CELSR1: variants seen among roughly 807,000 people sequenced by gnomAD.
The protein encoded by CELSR1 is adhesion G protein-coupled receptor C1.
In CELSR1, 110 loss-of-function variants were observed where a neutral mutation model predicts 249.1. The ratio of observed to expected loss-of-function variants is 0.44; its 90% CI spans 0.38 to 0.52. CELSR1 has a LOEUF of 0.52. CELSR1 is among the 20% of genes least tolerant of loss of function. The pLI is 0.00. For missense variants in CELSR1, 4,109 were observed against 4,296.4 expected, an observed-to-expected ratio of 0.96 and a Z score of 1.22; for synonymous variants, 2,113 against 1,900.0, an observed-to-expected ratio of 1.11 and a Z score of -2.92.
At chr22:46,487,075 C>T (rs1457827051) in intron 1 of CELSR1, among the ~76,000 whole-genome samples, 1 of 148,826 alleles carries the variant, frequency 6.7e-6, no homozygotes, top group Non-Finnish European at 1.5e-5. Context: ...CTTCCACACA[C>T]CCAAGGTCTC....
At position 46,537,016 on chromosome 22, in the gene CELSR1, A is replaced by C; in HGVS notation, c.155T>G (p.Val52Gly). Residue 52 changes from valine to glycine, a missense_variant, in exon 1 of 35, where the codon GTG becomes GGG. By Grantham distance (109) the Val-to-Gly change is moderately radical (BLOSUM62 -3). Around this residue, in one of 7 missense-constraint regions of CELSR1, gnomAD observed 673 missense variants for 636.8 expected, o/e 1.06. Coordinates refer to ENST00000674500, the MANE Select transcript of CELSR1 (RefSeq NM_001378328.1). This position sits in a 1 kb window ranked among gnomAD's most constrained non-coding sequence, Gnocchi z 5.8. ...FALRPGCTYA[V>G]GAACTPRAPR... ...CGCCCGGGGCGTGCAAGCGGCGCCC[A>C]CCGCGTAGGTACAGCCGGGCCGGAG... The C allele has an allele frequency of 3.6e-6, 4 of 1,106,444 alleles. No individual in the cohort carries two copies. Among genetic ancestry groups the C allele is most frequent in the Non-Finnish European group, 4.4e-6 (4 of 909,108 alleles). The allele number at this position is 1,106,444 out of a possible 1,614,324, so 68.5% of individuals were successfully genotyped here.
intron 5 of CELSR1, among the ~76,000 whole-genome samples, chr22:46,416,705 CG>C (rs1392174809): frequency 6.6e-6 from 1 of 152,098 alleles, no homozygotes; most frequent in African/African-American, 2.4e-5. Context: ...TGTGCAGATC[CG>C]GAATCCTGCT....
intron 1 of CELSR1, among the ~76,000 whole-genome samples, chr22:46,499,357 G>T (rs1456218748): frequency 6.6e-6 from 1 of 152,096 alleles, no homozygotes; most frequent in Non-Finnish European, 1.5e-5. Context: ...CCTGGCAAAG[G>T]AATCAGAGGA....
intron 1 of CELSR1, among the ~76,000 whole-genome samples, chr22:46,487,240 T>G (rs1449606061): frequency 6.6e-6 from 1 of 152,026 alleles, no homozygotes; most frequent in Non-Finnish European, 1.5e-5. Flanking sequence ...ACCCCAAGGG[T>G]CCTGAAAGAG....
At chr22:46,370,269 G>T (rs1381723762) in intron 25 of CELSR1, 1 of 395,190 alleles carries the variant, frequency 2.5e-6, no homozygotes, top group Non-Finnish European at 5.1e-6. Flanking sequence ...GGTGAGGAAC[G>T]CATATACCCC....
At chr22:46,444,646 CTGTA>C (rs2079796607) in intron 2 of CELSR1, among the ~76,000 whole-genome samples, 1 of 152,190 alleles carries the variant, frequency 6.6e-6, no homozygotes, top group African/African-American at 2.4e-5. Flanking sequence ...CAGAAAGTAG[CTGTA>C]TGTGTTTCCC....
At position 46,412,296 on chromosome 22, in the gene CELSR1, C is replaced by G. The variant is rs1185886153; in HGVS notation, c.4612-537G>C. On this transcript the variant is annotated intron_variant, in intron 5 of 34. Coordinates refer to ENST00000674500, the MANE Select transcript of CELSR1 (RefSeq NM_001378328.1). This position sits in a 1 kb window ranked among gnomAD's most constrained non-coding sequence, Gnocchi z 4.5. ...GAATCATGTCTGTTGTTTGAGCCAC[C>G]CTGTCCGTGGTACTTTGTGATGGTG... 6.6e-6 allele frequency among the ~76,000 whole-genome samples: 1 copy of G among 152,182 alleles called. No homozygotes were observed. Among genetic ancestry groups the G allele is most frequent in the Non-Finnish European group, 1.5e-5 (1 of 68,020 alleles).
At chr22:46,509,978 C>A (rs2080556836) in intron 1 of CELSR1, among the ~76,000 whole-genome samples, 1 of 152,194 alleles carries the variant, frequency 6.6e-6, no homozygotes, top group Non-Finnish European at 1.5e-5. Context: ...GGACTTCATG[C>A]CACATCTGGC....
chr22:46,457,585 G>A (rs9616009), intron 2 of CELSR1, among the ~76,000 whole-genome samples: 56,655 of 152,054 alleles, frequency 0.37, 11,938 homozygotes, highest in South Asian at 0.55. Context: ...TCAGGAATGC[G>A]CCCCATGGGA....
In CELSR1 at chr22:46,398,446, A is replaced by T. The variant is rs1003783322; in HGVS notation, c.5526+78T>A. On this transcript the variant is annotated intron_variant, in intron 11 of 34. Coordinates refer to ENST00000674500, the MANE Select transcript of CELSR1 (RefSeq NM_001378328.1). The surrounding 1 kb of genome is among the most constrained non-coding windows in gnomAD (Gnocchi z 7.2). The stretch of plus-strand genomic sequence containing the variant: ...TGAAAGCTAACAGGTTGACCAACGG[A>T]ACCACCTATGGTGCTGCCAGCCTCG... 21 of 988,216 alleles carry T rather than the reference A, an allele frequency of 2.1e-5. No individual in the cohort carries two copies. The African/African-American group carries it at 3.1e-4, about 15-fold the overall frequency. 61.2% of individuals were successfully genotyped at this position (988,216 alleles called of 1,614,324 possible). A position where few individuals can be genotyped will look rare whatever the true frequency, so the allele number is the denominator to read the frequency against.
intron 1 of CELSR1, among the ~76,000 whole-genome samples, chr22:46,497,658 C>G (rs2080426089): frequency 6.6e-6 from 1 of 152,140 alleles, no homozygotes; most frequent in African/African-American, 2.4e-5. Context: ...TTAGTTATAT[C>G]TACAAAGACT....
At chr22:46,403,183 A>C (rs2079226220) in intron 9 of CELSR1, among the ~76,000 whole-genome samples, 1 of 152,204 alleles carries the variant, frequency 6.6e-6, no homozygotes, top group South Asian at 2.1e-4. Context: ...AGTAATAGAT[A>C]AATCTACAGT....
chr22:46,369,874 G>T, intron 25 of CELSR1, 70 bp from the exon 26 acceptor site: 1 of 1,349,588 alleles, frequency 7.4e-7, no homozygotes, highest in Non-Finnish European at 1.1e-6. Context: ...CCAAGGACCA[G>T]CCAGGGTGGG....
chr22:46,515,723 G>A (rs541484817), intron 1 of CELSR1, among the ~76,000 whole-genome samples: 3 of 152,318 alleles, frequency 2.0e-5, no homozygotes, highest in East Asian at 3.9e-4. Context: ...CAGCCTGGCA[G>A]GCTCCTATCT....
In CELSR1 at chr22:46,463,774, G is replaced by A. The variant is rs552142268; in HGVS notation, c.4116C>T (p.Cys1372=). 19 of 1,579,090 alleles carry A rather than the reference G, an allele frequency of 1.2e-5. No individual in the cohort carries two copies. The highest frequency in any genetic ancestry group is 3.6e-5 in the Admixed American group (2 of 56,040). The change falls in exon 2 of 35, where the codon TGC becomes TGT. Residue 1372 remains cysteine, a synonymous_variant. Transcript: ENST00000674500. Reference sequence around the variant, plus strand: ...GGCTGCGGCAGCGGCCGTTGGCGCCGCACGGGTCGGAGTAGCAGAGGTCGA... The same window carrying A: ...GGCTGCGGCAGCGGCCGTTGGCGCCACACGGGTCGGAGTAGCAGAGGTCGA... ...TEIDLCYSDP[C]GANGRCRSRE... is the part of the protein sequence containing the mutation.
Position 46,417,556 on chromosome 22 carries a change from A to G in CELSR1, c.4612-5797T>C, listed in dbSNP as rs556438379. Among the ~76,000 whole-genome samples the G allele has an allele frequency of 1.3e-5, 2 of 152,308 alleles. No individual in the cohort carries two copies. The highest frequency in any genetic ancestry group is 2.1e-4 in the South Asian group (1 of 4,824). On this transcript the variant is annotated intron_variant, in intron 5 of 34. Coordinates refer to ENST00000674500, the MANE Select transcript of CELSR1 (RefSeq NM_001378328.1). The surrounding 1 kb of genome is among the most constrained non-coding windows in gnomAD (Gnocchi z 4.1). Reference sequence around the variant, plus strand: ...CAGCAGCAAACCGTCTGGAAGCCCAACTGAGCCACTGGGCCACCGGGTGGG... The same window carrying G: ...CAGCAGCAAACCGTCTGGAAGCCCAGCTGAGCCACTGGGCCACCGGGTGGG...
intron 5 of CELSR1, among the ~76,000 whole-genome samples, chr22:46,421,210 G>GGT (rs68139742): frequency 0.12 from 18,452 of 152,116 alleles, 1,926 homozygotes; most frequent in African/African-American, 0.29. Flanking sequence ...AGGTGCTGGG[G>GGT]GGGTAGAGGC....
Position 46,409,725 on chromosome 22 carries a change from C to T in CELSR1, c.5059+30G>A. On this transcript the variant is annotated intron_variant, in intron 8 of 34. Coordinates refer to ENST00000674500, the MANE Select transcript of CELSR1 (RefSeq NM_001378328.1). This position sits in a 1 kb window ranked among gnomAD's most constrained non-coding sequence, Gnocchi z 9.8. ...AGCAATGCCTCCCAGGCCGCCGTGA[C>T]CGGGGGGATGGACGACGCCGGCCAC... is the stretch of plus-strand genomic sequence containing the variant. The T allele has an allele frequency of 6.2e-7, 1 of 1,609,928 alleles. No individual in the cohort carries two copies.
At chr22:46,443,242 A>G (rs1602143495) in intron 2 of CELSR1, among the ~76,000 whole-genome samples, 1 of 152,242 alleles carries the variant, frequency 6.6e-6, no homozygotes, top group East Asian at 1.9e-4. Context: ...CCACGCCAGT[A>G]ACCCCGAGGG....
Sources: allele counts gnomAD v4.1 joint callset (sites outside exome capture counted in the v4.1 genomes callset), GRCh38; gene constraint gnomAD v4.1.1; regional missense constraint gnomAD v4.1.1; non-coding constraint Gnocchi (gnomAD v3.1); transcripts MANE v1.5; gene names NCBI Gene and HGNC (gene_info 2026-07-23, HGNC 2026-07-21).